TRDN: variants seen among roughly 807,000 people sequenced by gnomAD.
TRDN encodes triadin in skeletal muscle.
In TRDN, 161 loss-of-function variants were observed where a neutral mutation model predicts 149.7. That is an observed-to-expected ratio of 1.08 (90% CI 0.95 to 1.23). TRDN has a LOEUF of 1.23. Among genes scored for constraint, TRDN ranks in the 50% most tolerant of loss-of-function variants. TRDN has a pLI of 0.00. For missense variants in TRDN, 896 were observed against 823.5 expected (o/e 1.09, Z -1.08); for synonymous variants, 294 against 250.5 (o/e 1.17, Z -1.64).
At chr6:123,396,822 A>T (rs1772751305) in intron 12 of TRDN, among the ~76,000 whole-genome samples, 2 of 152,204 alleles carry the variant, frequency 1.3e-5, no homozygotes, top group Admixed American at 1.3e-4. Flanking sequence ...AATACGATTA[A>T]CTTTTCATTT....
At chr6:123,364,072 G>T (rs1296086826) in intron 20 of TRDN, among the ~76,000 whole-genome samples, 1 of 152,172 alleles carries the variant, frequency 6.6e-6, no homozygotes, top group Non-Finnish European at 1.5e-5. Flanking sequence ...CATGTTCCTT[G>T]TTCTGTCCAT....
At chr6:123,502,163 G>C (rs1778727226) in intron 8 of TRDN, 1 of 984,030 alleles carries the variant, frequency 1.0e-6, no homozygotes, top group Non-Finnish European at 1.2e-6. Flanking sequence ...AAGTGTAAAG[G>C]ATTTCAGGAT....
intron 10 of TRDN, among the ~76,000 whole-genome samples, chr6:123,454,170 C>A (rs1368086514): frequency 6.6e-6 from 1 of 151,878 alleles, no homozygotes; most frequent in Non-Finnish European, 1.5e-5. Flanking sequence ...ACTACAAATA[C>A]GGTGCAGTGT....
intron 1 of TRDN, among the ~76,000 whole-genome samples, chr6:123,599,097 G>C (rs1444312346): frequency 1.3e-5 from 2 of 152,036 alleles, no homozygotes; most frequent in Non-Finnish European, 2.9e-5. Context: ...CACAATAGCT[G>C]TTAACTCTTC....
intron 12 of TRDN, among the ~76,000 whole-genome samples, chr6:123,415,814 G>T (rs1186835964): frequency 6.6e-6 from 1 of 152,126 alleles, no homozygotes; most frequent in Admixed American, 6.6e-5. Context: ...TGCATATACT[G>T]TATAGACAAA....
At chr6:123,436,221 A>G (rs1237780104) in intron 12 of TRDN, among the ~76,000 whole-genome samples, 1 of 152,184 alleles carries the variant, frequency 6.6e-6, no homozygotes, top group African/African-American at 2.4e-5. Context: ...GCTCTAAGCA[A>G]GCAGTTTCTC....
Position 123,462,681 on chromosome 6 carries a change from C to T in TRDN, c.931+2225G>A, listed in dbSNP as rs574745237. The T allele has an allele frequency of 2.0e-5, 3 of 151,798 alleles. No individual in the cohort carries two copies. The South Asian group carries it at 6.4e-4, about 32-fold the overall frequency. 9.4% of individuals were successfully genotyped at this position (151,798 alleles called of 1,614,324 possible). ...ACTTTAGTGCCACATGAAAGTTCCT[C>T]CTTTTTACATAAAGCCTTTATTTTT... On this transcript the variant is annotated intron_variant, in intron 10 of 40. Transcript: ENST00000334268.
At chr6:123,366,020 G>A (rs1291701374) in intron 20 of TRDN, 115 bp downstream of exon 20, 16 of 857,664 alleles carry the variant, frequency 1.9e-5, no homozygotes, top group South Asian at 7.5e-5. Flanking sequence ...CTATATCAAC[G>A]AACTAGTAAA....
chr6:123,462,218 T>C (rs1306395367), intron 10 of TRDN: 1 of 152,116 alleles, frequency 6.6e-6, no homozygotes, highest in Non-Finnish European at 1.5e-5. Context: ...ATCAAAAAAT[T>C]CAAAGTAATA....
At chr6:123,512,262 A>G in intron 7 of TRDN, 41 bp downstream of exon 7, 1 of 1,188,490 alleles carries the variant, frequency 8.4e-7, no homozygotes, top group Non-Finnish European at 1.2e-6. Context: ...CTTTCAGAGT[A>G]AAAAGAATTT....
chr6:123,258,041 C>T (rs754393063), intron 35 of TRDN, among the ~76,000 whole-genome samples: 2 of 152,068 alleles, frequency 1.3e-5, no homozygotes, highest in Non-Finnish European at 2.9e-5. Flanking sequence ...GGGGCTGTGA[C>T]GATGGGGTTT....
rs563194664 is a variant in TRDN at position 123,395,021 on chromosome 6, A to C, written c.1052-1344T>G. Among the ~76,000 whole-genome samples the C allele has an allele frequency of 1.6e-3, 239 of 152,304 alleles. 6 individuals are homozygous for C. In the South Asian group the frequency reaches 0.048, roughly 30 times the overall value. On this transcript the variant is annotated intron_variant, in intron 12 of 40. Transcript: ENST00000334268. ...AAGAAAAGAAGAAAATAATATGCCC[A>C]AAAATTTCAACAAATGAGCACCATT...
chr6:123,337,635 TGAA>T lies in TRDN; in HGVS notation c.1401_1403del (p.Ser468del). ...CTCTGTTACCTTTATCTTTCAGAAT[TGAA>T]GAAGTCTTCCCAGATTTTTCTTTTC... On this transcript the variant is annotated inframe_deletion, in exon 22 of 41. Coordinates refer to ENST00000334268, the MANE Select transcript of TRDN (RefSeq NM_006073.4). 7.0e-7 allele frequency: 1 copy of T among 1,432,668 alleles called. No individual in the cohort carries two copies. The highest frequency in any genetic ancestry group is 9.4e-7 in the Non-Finnish European group (1 of 1,067,594). 88.7% of individuals were successfully genotyped at this position (1,432,668 alleles called of 1,614,324 possible). A position where few individuals can be genotyped will look rare whatever the true frequency, so the allele number is the denominator to read the frequency against.
chr6:123,497,348 A>G, intron 8 of TRDN, 96 bp from the exon 9 acceptor site: 5 of 791,126 alleles, frequency 6.3e-6, no homozygotes, highest in Non-Finnish European at 9.3e-6. Context: ...AAAATAGCAC[A>G]ATTCTATTTT....
chr6:123,364,583 G>C (rs1424187304), intron 20 of TRDN, among the ~76,000 whole-genome samples: 1 of 152,160 alleles, frequency 6.6e-6, no homozygotes, highest in Non-Finnish European at 1.5e-5. Flanking sequence ...GGGAGGCGGA[G>C]GTTGCAGTGA....
At chr6:123,596,796 G>A (rs765996304) in intron 1 of TRDN, among the ~76,000 whole-genome samples, 4 of 151,910 alleles carry the variant, frequency 2.6e-5, no homozygotes, top group South Asian at 2.1e-4. Context: ...TGAATATTTC[G>A]AGCCCAATGT....
intron 23 of TRDN, among the ~76,000 whole-genome samples, chr6:123,328,725 A>C (rs139749619): frequency 6.6e-6 from 1 of 152,282 alleles, no homozygotes; most frequent in East Asian, 1.9e-4. Context: ...CTGTAGCACC[A>C]GAGAACTATT....
chr6:123,390,197 G>A (rs1782055004), intron 13 of TRDN, among the ~76,000 whole-genome samples: 1 of 152,076 alleles, frequency 6.6e-6, no homozygotes, highest in Non-Finnish European at 1.5e-5. Context: ...CAAAGGCCTT[G>A]ACCAACGCCA....
intron 21 of TRDN, chr6:123,352,151 T>C (rs954236024): frequency 2.0e-6 from 2 of 984,610 alleles, no homozygotes; most frequent in African/African-American, 1.7e-5. Context: ...AAATAGTTTT[T>C]GCATGTATAG....
Sources: allele counts gnomAD v4.1 joint callset (sites outside exome capture counted in the v4.1 genomes callset), GRCh38; gene constraint gnomAD v4.1.1; transcripts MANE v1.5; gene names NCBI Gene and HGNC (gene_info 2026-07-23, HGNC 2026-07-21).